CAMK2D: variants seen among roughly 807,000 people sequenced by gnomAD.
CAMK2D encodes the protein calcium/calmodulin dependent protein kinase II delta.
A neutral mutation model predicts 84.0 loss-of-function variants in CAMK2D; 37 were observed. The ratio of observed to expected loss-of-function variants is 0.44; its 90% CI spans 0.34 to 0.58. CAMK2D has a LOEUF of 0.58. Ranked by LOEUF, CAMK2D falls within the 20% of genes least tolerant of loss-of-function variation. CAMK2D has a pLI of 0.02. For synonymous variants in CAMK2D, 202 were observed against 212.5 expected (o/e 0.95, Z 0.43); for missense variants, 448 against 652.5 (o/e 0.69, Z 3.41).
chr4:113,624,607 C>T (rs57665458), intron 3 of CAMK2D, among the ~76,000 whole-genome samples: 30,147 of 152,068 alleles, frequency 0.2, 3,236 homozygotes, highest in East Asian at 0.32. Flanking sequence ...CACAGTAGTA[C>T]CCTAAAAGGA....
chr4:113,617,095 T>G (rs1386960752), intron 3 of CAMK2D, among the ~76,000 whole-genome samples: 1 of 152,212 alleles, frequency 6.6e-6, no homozygotes, highest in Non-Finnish European at 1.5e-5. Flanking sequence ...CTTCTTGCCT[T>G]ATGTTTTTGT....
intron 2 of CAMK2D, among the ~76,000 whole-genome samples, chr4:113,732,853 A>AAT (rs905644919): frequency 2.0e-5 from 3 of 152,080 alleles, no homozygotes; most frequent in East Asian, 1.9e-4. Context: ...ATCCTATCAA[A>AAT]ATATATATAT....
intron 3 of CAMK2D, among the ~76,000 whole-genome samples, chr4:113,630,478 T>C (rs941820072): frequency 2.0e-5 from 3 of 152,128 alleles, no homozygotes; most frequent in African/African-American, 4.8e-5. Flanking sequence ...CAATATTGAA[T>C]AGCTTCCAGA....
In CAMK2D at chr4:113,477,338, C is replaced by T. The variant is rs559864627; in HGVS notation, c.1136-11734G>A. ...AATTACTAAATGATTCACAGTAACACATGCTTTTTAATAAAGGATACCTCA... is the reference window on the plus strand; with the variant it reads ...AATTACTAAATGATTCACAGTAACATATGCTTTTTAATAAAGGATACCTCA... On this transcript the variant is annotated intron_variant, in intron 16 of 20. Transcript: ENST00000511664. 4.6e-5 allele frequency among the ~76,000 whole-genome samples: 7 copies of T among 152,326 alleles called. No homozygotes were observed. In the South Asian group the frequency reaches 1.4e-3, roughly 32 times the overall value.
At chr4:113,671,292 T>C (rs574412415) in intron 2 of CAMK2D, among the ~76,000 whole-genome samples, 2 of 152,314 alleles carry the variant, frequency 1.3e-5, no homozygotes, top group African/African-American at 4.8e-5. Flanking sequence ...AGATTTTTTA[T>C]GGTTCCTTTA....
At chr4:113,497,927 A>G (rs1219311460) in intron 16 of CAMK2D, among the ~76,000 whole-genome samples, 1 of 152,252 alleles carries the variant, frequency 6.6e-6, no homozygotes, top group Non-Finnish European at 1.5e-5. Flanking sequence ...GTGGTGTCTC[A>G]CTGATCACAA....
intron 19 of CAMK2D, 166 bp downstream of exon 19, chr4:113,457,164 GATTGA>G (rs1388094300): frequency 2.1e-6 from 3 of 1,436,314 alleles, no homozygotes; most frequent in Non-Finnish European, 2.7e-6. Flanking sequence ...TGGCTGATCT[GATTGA>G]TCTTTCCAGA....
At chr4:113,487,338 G>T (rs1590010346) in intron 16 of CAMK2D, among the ~76,000 whole-genome samples, 1 of 151,872 alleles carries the variant, frequency 6.6e-6, no homozygotes, top group Non-Finnish European at 1.5e-5. Flanking sequence ...CTCACAAAAA[G>T]AATCATGATA....
intron 9 of CAMK2D, among the ~76,000 whole-genome samples, chr4:113,515,906 C>T (rs2098278012): frequency 6.6e-6 from 1 of 152,180 alleles, no homozygotes; most frequent in Non-Finnish European, 1.5e-5. Context: ...AAGAAAGCTA[C>T]TTCTCCTTTC....
chr4:113,586,612 T>C (rs1484954764), intron 4 of CAMK2D, among the ~76,000 whole-genome samples: 4 of 152,152 alleles, frequency 2.6e-5, no homozygotes, highest in African/African-American at 4.8e-5. Context: ...TAGAACAACC[T>C]AGGTTGTGAG....
intron 17 of CAMK2D, among the ~76,000 whole-genome samples, chr4:113,462,266 A>ATGTGTGTGTGTGTGTGTGTGTG (rs143654780): frequency 2.7e-5 from 3 of 109,870 alleles, no homozygotes; most frequent in African/African-American, 7.9e-5. Flanking sequence ...ATATTTGGAA[A>ATGTGTGTGTGTGTGTGTGTGTG]TGTGTGTGTG....
chr4:113,722,854 G>A (rs890237169), intron 2 of CAMK2D, among the ~76,000 whole-genome samples: 1 of 152,038 alleles, frequency 6.6e-6, no homozygotes, highest in African/African-American at 2.4e-5. Flanking sequence ...TATCAATCAC[G>A]TTAAGCTATT....
chr4:113,564,894 A>G (rs1002124139), intron 4 of CAMK2D, among the ~76,000 whole-genome samples: 1 of 152,248 alleles, frequency 6.6e-6, no homozygotes, highest in Non-Finnish European at 1.5e-5. Context: ...ATTTTAAAAA[A>G]TACTCAGAAA....
At chr4:113,625,288 G>A (rs1348471158) in intron 3 of CAMK2D, among the ~76,000 whole-genome samples, 1 of 152,114 alleles carries the variant, frequency 6.6e-6, no homozygotes, top group Admixed American at 6.6e-5. Flanking sequence ...ACAAAATAAC[G>A]TGCCTGAGCT....
At chr4:113,534,251 C>T (rs2098475535) in intron 7 of CAMK2D, among the ~76,000 whole-genome samples, 1 of 152,096 alleles carries the variant, frequency 6.6e-6, no homozygotes, top group Non-Finnish European at 1.5e-5. Flanking sequence ...TAAAATATAT[C>T]TGGCAGCTCA....
At chr4:113,506,122 T>C (rs2154155271) in intron 13 of CAMK2D, among the ~76,000 whole-genome samples, 1 of 152,244 alleles carries the variant, frequency 6.6e-6, no homozygotes, top group South Asian at 2.1e-4. Context: ...ATATACTATA[T>C]AAAATAAATG....
intron 3 of CAMK2D, among the ~76,000 whole-genome samples, chr4:113,641,033 T>A (rs2099130592): frequency 6.6e-6 from 1 of 152,272 alleles, no homozygotes; most frequent in Admixed American, 6.5e-5. Context: ...CTTAATTACA[T>A]GCTTCTTTGA....
chr4:113,551,200 A>G (rs2098626237), intron 5 of CAMK2D, among the ~76,000 whole-genome samples: 1 of 152,194 alleles, frequency 6.6e-6, no homozygotes. Flanking sequence ...ACACCATGCA[A>G]TCCAGTAACA....
intron 6 of CAMK2D, among the ~76,000 whole-genome samples, chr4:113,542,370 A>G: frequency 6.6e-6 from 1 of 152,222 alleles, no homozygotes. Flanking sequence ...TGATTTTATA[A>G]TTATCCAAAA....
Sources: gnomAD v4.1 joint callset for allele counts (sites outside exome capture counted in the v4.1 genomes callset) on GRCh38, gnomAD v4.1.1 for gene constraint, MANE v1.5 for transcripts, NCBI Gene and HGNC (gene_info 2026-07-23, HGNC 2026-07-21) for gene names.